The following CRY2 variants were observed in gnomAD, a reference collection of about 807,000 sequenced individuals.
The protein encoded by CRY2 is cryptochrome-2.
In CRY2, 31 loss-of-function variants were observed where a neutral mutation model predicts 69.5. That is an observed-to-expected ratio of 0.45 (90% CI 0.34 to 0.60). The LOEUF is 0.60. CRY2 is among the 20% of genes least tolerant of loss of function. CRY2 has a pLI of 0.02. For synonymous variants in CRY2, 303 were observed against 312.2 expected (o/e 0.97, Z 0.31); for missense variants, 606 against 797.8 (o/e 0.76, Z 2.90).
rs151115243 is a variant in CRY2 at position 45,874,835 on chromosome 11, T to C, written c.*2+2602T>C. ...GCAGGTGCCTGTAGTCCCAGCTACT[T>C]CGGAGGCTGAGGCAGGAGAATCACT... On this transcript the variant is annotated intron_variant, in intron 11 of 11. Transcript: ENST00000616080. 1.2e-3 allele frequency among the ~76,000 whole-genome samples: 178 copies of C among 151,798 alleles called. 3 individuals are homozygous for C. In the East Asian group the frequency reaches 0.031, roughly 26 times the overall value.
chr11:45,859,777 C>T (rs1184975609), intron 3 of CRY2, among the ~76,000 whole-genome samples: 12 of 152,234 alleles, frequency 7.9e-5, no homozygotes, highest in African/African-American at 2.9e-4. Flanking sequence ...CCTCCTGCTG[C>T]TGCTGCTGCT....
chr11:45,871,424 C>T (rs1227003256), intron 10 of CRY2, among the ~76,000 whole-genome samples: 1 of 152,030 alleles, frequency 6.6e-6, no homozygotes, highest in African/African-American at 2.4e-5. Context: ...ATGTCCGAGA[C>T]GAGGACTAGG....
chr11:45,872,281 G>C lies in CRY2; in HGVS notation c.*2+48G>C, dbSNP rs188426374. 1.0e-3 allele frequency: 1,573 copies of C among 1,555,972 alleles called. 6 individuals are homozygous for C. In the African/African-American group the frequency reaches 0.011, roughly 11 times the overall value. On this transcript the variant is annotated intron_variant, in intron 11 of 11. Coordinates refer to ENST00000616080, the MANE Select transcript of CRY2 (RefSeq NM_021117.5). ...CAACCTCAGGAAGGAAGTTGGGAGT[G>C]GGGGGGCCTACTGCCCTGCCAGCTG...
chr11:45,867,658 T>A lies in CRY2; in HGVS notation c.788T>A (p.Leu263His). ...AGACCCCGAATGAACGCCAACTCCC[T>A]CCTGGCCAGCCCCACAGGCCTCAGC... The part of the protein sequence containing the change: ...YERPRMNANS[L>H]LASPTGLSPY... The change falls in exon 6 of 12, where the codon CTC becomes CAC. Residue 263 changes from leucine to histidine, a missense_variant. By Grantham distance (99) the Leu-to-His change is moderately conservative. Around this residue, in one of 5 missense-constraint regions of CRY2, gnomAD observed 382 missense variants for 508.9 expected, o/e 0.75. Transcript: ENST00000616080. 1 of 1,614,218 alleles carries A rather than the reference T, an allele frequency of 6.2e-7. No individual in the cohort carries two copies. Among genetic ancestry groups the A allele is most frequent in the Non-Finnish European group, 8.5e-7 (1 of 1,180,040 alleles).
chr11:45,878,534 C>T (rs1302199201), intron 11 of CRY2, among the ~76,000 whole-genome samples: 1 of 152,146 alleles, frequency 6.6e-6, no homozygotes, highest in Admixed American at 6.5e-5. Flanking sequence ...ACATGTACAC[C>T]TTAATAATAC....
Position 45,870,167 on chromosome 11 carries a change from T to C in CRY2, c.1309T>C (p.Phe437Leu). The C allele has an allele frequency of 6.2e-7, 1 of 1,613,564 alleles. No homozygotes were observed. The highest frequency in any genetic ancestry group is 1.1e-5 in the South Asian group (1 of 91,048). ...CTTCCACTGCTACTGCCCTGTGGGC[T>C]TTGGCCGTCGCACGGACCCCAGTGG... ...QFFHCYCPVG[F>L]GRRTDPSGDY... The change falls in exon 8 of 12, where the codon TTT becomes CTT. Residue 437 changes from phenylalanine to leucine, a missense_variant. By Grantham distance (22) the Phe-to-Leu change is conservative (BLOSUM62 0). Around this residue, in one of 5 missense-constraint regions of CRY2, gnomAD observed 173 missense variants for 213.7 expected, o/e 0.81. Transcript: ENST00000616080.
At chr11:45,848,103 G>A (rs1229296821) in intron 1 of CRY2, among the ~76,000 whole-genome samples, 1 of 152,152 alleles carries the variant, frequency 6.6e-6, no homozygotes, top group Non-Finnish European at 1.5e-5. Flanking sequence ...TAGTGTGAGG[G>A]CGGGACGGGT....
At chr11:45,853,477 T>C (rs1310403441) in intron 1 of CRY2, among the ~76,000 whole-genome samples, 2 of 152,188 alleles carry the variant, frequency 1.3e-5, no homozygotes, top group East Asian at 3.8e-4. Context: ...GGTCTAAAAA[T>C]AAAGTTCTAT....
At chr11:45,873,584 A>G (rs1024221041) in intron 11 of CRY2, among the ~76,000 whole-genome samples, 1 of 152,228 alleles carries the variant, frequency 6.6e-6, no homozygotes, top group African/African-American at 2.4e-5. Flanking sequence ...GTCTGGGTCA[A>G]GGTTGCTCAG....
At chr11:45,847,456 G>A, upstream of CRY2, 1 of 1,595,250 alleles carries the variant, frequency 6.3e-7, no homozygotes, top group Non-Finnish European at 8.5e-7. Context: ...GCCTACCGGG[G>A]CGGAGCGGGG....
chr11:45,876,601 G>T (rs1490033858), intron 11 of CRY2, among the ~76,000 whole-genome samples: 3 of 152,154 alleles, frequency 2.0e-5, no homozygotes, highest in Non-Finnish European at 4.4e-5. Flanking sequence ...TGCTGGTACA[G>T]ACTGATCTGT....
chr11:45,870,239 C>A (rs781644093), intron 8 of CRY2, 35 bp downstream of exon 8: 1 of 1,610,220 alleles, frequency 6.2e-7, no homozygotes, highest in Middle Eastern at 1.7e-4. Context: ...GGCCTCTGAC[C>A]ACTGTGGCCT....
intron 5 of CRY2, 138 bp downstream of exon 5, chr11:45,862,286 C>A: frequency 1.4e-6 from 1 of 706,348 alleles, no homozygotes; most frequent in Non-Finnish European, 2.3e-6. Context: ...CTCCTGATGG[C>A]CATAACAACA....
chr11:45,869,644 C>G lies in CRY2; in HGVS notation c.1021C>G (p.Arg341Gly). The change falls in exon 7 of 12, where the codon CGC (arginine) becomes GGC (glycine). Residue 341 changes from arginine to glycine, a missense_variant. Arg to Gly is a moderately radical substitution (Grantham distance 125). Transcript: ENST00000616080. Reference sequence around the variant, plus strand: ...CATCTGCATCCAGATCCCCTGGGACCGCAATCCTGAGGCCCTGGCCAAGTG... The same window carrying G: ...CATCTGCATCCAGATCCCCTGGGACGGCAATCCTGAGGCCCTGGCCAAGTG... The part of the protein sequence containing the change: ...NPICIQIPWD[R>G]NPEALAKWAE... The G allele has an allele frequency of 6.2e-7, 1 of 1,614,272 alleles. No individual in the cohort carries two copies. The highest frequency in any genetic ancestry group is 8.5e-7 in the Non-Finnish European group (1 of 1,180,042).
chr11:45,861,964 G>T, intron 4 of CRY2, 96 bp from the exon 5 acceptor site: 2 of 1,072,172 alleles, frequency 1.9e-6, no homozygotes, highest in South Asian at 2.8e-5. Context: ...AGACACTGTG[G>T]TTCAATTCTC....
chr11:45,872,168 A>G lies in CRY2; in HGVS notation c.1719A>G (p.Glu573=). ...LEAAEEPPGE[E]LSKRARVAEL... is the part of the protein sequence containing the mutation. The stretch of plus-strand genomic sequence containing the variant: ...CAGCCGAGGAACCACCTGGTGAAGA[A>G]CTCAGCAAACGGGCCCGGGTGGCAG... Residue 573 remains glutamate, a synonymous_variant, in exon 11 of 12, where the codon GAA becomes GAG. Coordinates refer to ENST00000616080, the MANE Select transcript of CRY2 (RefSeq NM_021117.5). 1 of 1,614,086 alleles carries G rather than the reference A, an allele frequency of 6.2e-7. No homozygotes were observed. Among genetic ancestry groups the G allele is most frequent in the Non-Finnish European group, 8.5e-7 (1 of 1,180,016 alleles).
intron 5 of CRY2, among the ~76,000 whole-genome samples, chr11:45,863,725 A>G (rs2086307069): frequency 6.6e-6 from 1 of 151,696 alleles, no homozygotes; most frequent in African/African-American, 2.4e-5. Context: ...TGACTCAATG[A>G]CTGTGGCCAG....
At chr11:45,847,200 CGCGGACAGCCCCAGCCT>C (rs752192327), upstream of CRY2, 392 of 1,550,230 alleles carry the variant, frequency 2.5e-4, no homozygotes, top group African/African-American at 4.8e-4. Flanking sequence ...CCCGGCACTC[CGCGGACAGCCCCAGCCT>C]GCGGACAGCC....
Position 45,847,556 on chromosome 11 carries a change from C to T in CRY2, c.66C>T (p.Ala22=), listed in dbSNP as rs1312648131. 8.8e-6 allele frequency: 14 copies of T among 1,594,510 alleles called. No homozygotes were observed. The East Asian group carries it at 2.0e-4, about 23-fold the overall frequency. ...CGCCAGCGCCCGGCACGGACAGCGC[C>T]TCTTCGGTGCACTGGTTCCGCAAAG... ...APAPAPGTDS[A]SSVHWFRKGL... Residue 22 remains alanine, a synonymous_variant, in exon 1 of 12, where the codon GCC becomes GCT. Transcript: ENST00000616080.
Sources: allele counts gnomAD v4.1 joint callset (sites outside exome capture counted in the v4.1 genomes callset), GRCh38; gene constraint gnomAD v4.1.1; regional missense constraint gnomAD v4.1.1; transcripts MANE v1.5; gene names NCBI Gene and HGNC (gene_info 2026-07-23, HGNC 2026-07-21).